Variants in SPAG16 observed in about 807,000 individuals in gnomAD.
SPAG16 encodes the protein sperm associated antigen 16.
SPAG16 carries 86 observed loss-of-function variants against 80.4 expected under a neutral mutation model. That is an observed-to-expected ratio of 1.07 (90% CI 0.90 to 1.28). The LOEUF is 1.28. Ranked by LOEUF, SPAG16 falls within the 50% of genes most tolerant of loss-of-function variation. SPAG16 has a pLI of 0.00. For synonymous variants in SPAG16, 294 were observed against 265.9 expected (o/e 1.11, Z -1.03); for missense variants, 870 against 765.3 (o/e 1.14, Z -1.61).
At chr2:214,158,940 A>G (rs1046298919) in intron 15 of SPAG16, among the ~76,000 whole-genome samples, 4 of 152,022 alleles carry the variant, frequency 2.6e-5, no homozygotes, top group Non-Finnish European at 4.4e-5. Flanking sequence ...TAGTGAAGAT[A>G]TATGTATATA....
intron 9 of SPAG16, among the ~76,000 whole-genome samples, chr2:213,465,059 T>C (rs2072604900): frequency 6.6e-6 from 1 of 152,178 alleles, no homozygotes. Flanking sequence ...AGCAATTTCA[T>C]CTATCTCCTT....
At chr2:213,979,121 G>C (rs1404615600) in intron 12 of SPAG16, among the ~76,000 whole-genome samples, 2 of 151,920 alleles carry the variant, frequency 1.3e-5, no homozygotes, top group Non-Finnish European at 2.9e-5. Context: ...GACCAAATCT[G>C]GTACAATGTA....
intron 10 of SPAG16, among the ~76,000 whole-genome samples, chr2:213,799,862 A>G (rs933150656): frequency 1.3e-5 from 2 of 152,010 alleles, no homozygotes; most frequent in African/African-American, 4.8e-5. Context: ...TATAACTACT[A>G]TAACAACAAC....
chr2:214,143,308 AC>A (rs1260455178), intron 14 of SPAG16, among the ~76,000 whole-genome samples: 28 of 147,118 alleles, frequency 1.9e-4, no homozygotes, highest in Admixed American at 2.8e-4. Context: ...ACCCTGAGTG[AC>A]ACATAGTAAT....
At chr2:213,410,935 C>T (rs2068933432) in intron 9 of SPAG16, among the ~76,000 whole-genome samples, 1 of 152,242 alleles carries the variant, frequency 6.6e-6, no homozygotes, top group African/African-American at 2.4e-5. Context: ...CAGCTTCCGT[C>T]TCCCAACAGT....
chr2:213,976,135 T>TATATACACACAC (rs749957411), intron 12 of SPAG16, among the ~76,000 whole-genome samples: 12 of 81,404 alleles, frequency 1.5e-4, no homozygotes, highest in African/African-American at 4.5e-4. Flanking sequence ...TATATATATA[T>TATATACACACAC]ACACACACAC....
At chr2:214,141,690 C>G (rs2055369108) in intron 14 of SPAG16, among the ~76,000 whole-genome samples, 1 of 151,906 alleles carries the variant, frequency 6.6e-6, no homozygotes, top group South Asian at 2.1e-4. Context: ...GAGGTTTTTT[C>G]CCCCGGTACA....
chr2:213,918,993 A>G (rs1486063682), intron 11 of SPAG16, among the ~76,000 whole-genome samples: 1 of 152,086 alleles, frequency 6.6e-6, no homozygotes, highest in Non-Finnish European at 1.5e-5. Flanking sequence ...GATCAGTGTA[A>G]TGCCCTTTGT....
intron 13 of SPAG16, among the ~76,000 whole-genome samples, chr2:214,100,517 A>G (rs2052935153): frequency 6.6e-6 from 1 of 152,036 alleles, no homozygotes; most frequent in Non-Finnish European, 1.5e-5. Flanking sequence ...GTAGTTTTTC[A>G]ATACTCGTCT....
intron 9 of SPAG16, among the ~76,000 whole-genome samples, chr2:213,426,313 A>T: frequency 6.6e-6 from 1 of 151,738 alleles, no homozygotes; most frequent in Admixed American, 6.6e-5. Context: ...TACTTTTTGG[A>T]TTTTTTTGTA....
At chr2:213,684,162 A>T (rs1208676905) in intron 10 of SPAG16, among the ~76,000 whole-genome samples, 2 of 152,250 alleles carry the variant, frequency 1.3e-5, no homozygotes, top group Non-Finnish European at 2.9e-5. Context: ...CTGGCATTTC[A>T]TTAAAGATTA....
chr2:213,880,481 A>G (rs985629759), intron 11 of SPAG16, among the ~76,000 whole-genome samples: 7 of 152,196 alleles, frequency 4.6e-5, no homozygotes, highest in Non-Finnish European at 8.8e-5. Flanking sequence ...TAGTTTAATT[A>G]GGTCTCACTT....
intron 12 of SPAG16, among the ~76,000 whole-genome samples, chr2:213,979,715 G>A (rs764976530): frequency 6.6e-6 from 1 of 151,984 alleles, no homozygotes; most frequent in Non-Finnish European, 1.5e-5. Flanking sequence ...CTGAGATTTG[G>A]GTGGAGTCAC....
chr2:213,624,370 A>G (rs371141171), intron 10 of SPAG16, among the ~76,000 whole-genome samples: 155 of 152,278 alleles, frequency 1.0e-3, no homozygotes, highest in African/African-American at 3.6e-3. Flanking sequence ...ATTATTTGGA[A>G]TATACTTCTG....
intron 10 of SPAG16, among the ~76,000 whole-genome samples, chr2:213,625,348 T>C (rs2061925563): frequency 6.6e-6 from 1 of 152,110 alleles, no homozygotes; most frequent in Non-Finnish European, 1.5e-5. Context: ...GGTGCTACAA[T>C]GGATACCCCA....
chr2:213,729,118 A>G (rs1415529861), intron 10 of SPAG16, among the ~76,000 whole-genome samples: 1 of 152,158 alleles, frequency 6.6e-6, no homozygotes, highest in African/African-American at 2.4e-5. Flanking sequence ...TGCAACATTT[A>G]TTAGGCTTGA....
chr2:214,316,060 T>C (rs1298696208), intron 15 of SPAG16, among the ~76,000 whole-genome samples: 2 of 152,138 alleles, frequency 1.3e-5, no homozygotes. Context: ...TTCAGTCTTC[T>C]GTATAACAAC....
intron 10 of SPAG16, among the ~76,000 whole-genome samples, chr2:213,802,210 C>A (rs1399585613): frequency 2.0e-5 from 3 of 152,094 alleles, no homozygotes. Flanking sequence ...CTTGCCATGT[C>A]CCTCTCTGAT....
chr2:213,708,437 C>G (rs2065846802), intron 10 of SPAG16, among the ~76,000 whole-genome samples: 1 of 152,112 alleles, frequency 6.6e-6, no homozygotes, highest in African/African-American at 2.4e-5. Context: ...CATGGTGGCT[C>G]ATGCCTGTAA....
Sources: allele counts gnomAD v4.1 joint callset (sites outside exome capture counted in the v4.1 genomes callset), GRCh38; gene constraint gnomAD v4.1.1; transcripts MANE v1.5; gene names NCBI Gene and HGNC (gene_info 2026-07-23, HGNC 2026-07-21).